TMC1: variants seen among roughly 807,000 people sequenced by gnomAD.
The protein encoded by TMC1 is transmembrane channel-like protein 1.
In TMC1, 84 loss-of-function variants were observed where a neutral mutation model predicts 105.8. That is an observed-to-expected ratio of 0.79 (90% CI 0.67 to 0.95). TMC1 has a LOEUF of 0.95. Ranked by LOEUF, TMC1 falls within the 40% of genes least tolerant of loss-of-function variation. TMC1 has a pLI of 0.00. For missense variants in TMC1, 817 were observed against 914.1 expected (o/e 0.89, Z 1.37); for synonymous variants, 315 against 311.5 (o/e 1.01, Z -0.12).
intron 19 of TMC1, chr9:72,817,189 T>G (rs570096833): frequency 1.3e-5 from 2 of 152,246 alleles, no homozygotes. Context: ...TCTCCAGGGC[T>G]CCATCGTCCT....
chr9:72,729,589 GC>G (rs1418266405), intron 8 of TMC1, among the ~76,000 whole-genome samples: 2 of 152,104 alleles, frequency 1.3e-5, no homozygotes, highest in African/African-American at 4.8e-5. Flanking sequence ...TAGCTTTTTA[GC>G]CCAATCTTCC....
At chr9:72,744,875 C>A (rs1017392442) in intron 10 of TMC1, among the ~76,000 whole-genome samples, 1 of 152,112 alleles carries the variant, frequency 6.6e-6, no homozygotes, top group African/African-American at 2.4e-5. Flanking sequence ...TTGCATGCAG[C>A]AAGAGTTACA....
chr9:72,703,100 T>G (rs1826673062), intron 8 of TMC1, among the ~76,000 whole-genome samples: 2 of 152,086 alleles, frequency 1.3e-5, no homozygotes, highest in Non-Finnish European at 2.9e-5. Context: ...TTTATCATAA[T>G]TTTTTTCAAT....
chr9:72,764,214 C>CTTT (rs2118098495), intron 12 of TMC1, among the ~76,000 whole-genome samples: 1 of 152,122 alleles, frequency 6.6e-6, no homozygotes, highest in East Asian at 1.9e-4. Context: ...TCAAAAACTC[C>CTTT]TTTTTAAATA....
chr9:72,633,020 AT>A (rs1564457547), intron 4 of TMC1, among the ~76,000 whole-genome samples: 6 of 152,084 alleles, frequency 3.9e-5, no homozygotes, highest in African/African-American at 1.2e-4. Context: ...AAAAAAAAAA[AT>A]AAGATAAATG....
At chr9:72,824,056 G>T (rs1324600438) in intron 20 of TMC1, among the ~76,000 whole-genome samples, 1 of 152,238 alleles carries the variant, frequency 6.6e-6, no homozygotes, top group East Asian at 1.9e-4. Context: ...TACTCGGCCT[G>T]CTGTGCTTAA....
At chr9:72,566,646 C>T (rs1331944953) in intron 1 of TMC1, among the ~76,000 whole-genome samples, 1 of 152,176 alleles carries the variant, frequency 6.6e-6, no homozygotes, top group Non-Finnish European at 1.5e-5. Flanking sequence ...GGAAGCCCTG[C>T]TCTGAGCAGC....
intron 8 of TMC1, among the ~76,000 whole-genome samples, chr9:72,723,652 T>A (rs1421287676): frequency 6.6e-6 from 1 of 152,228 alleles, no homozygotes; most frequent in Non-Finnish European, 1.5e-5. Flanking sequence ...GAAAGGATAT[T>A]GAGAAAAGCC....
intron 20 of TMC1, 118 bp from the exon 21 acceptor site, chr9:72,826,751 T>C: frequency 1.8e-6 from 2 of 1,087,312 alleles, no homozygotes; most frequent in Non-Finnish European, 2.8e-6. Context: ...AACATCAGAT[T>C]CCTACCCTGA....
At chr9:72,705,171 A>G (rs1250205012) in intron 8 of TMC1, among the ~76,000 whole-genome samples, 5 of 152,198 alleles carry the variant, frequency 3.3e-5, no homozygotes, top group African/African-American at 1.2e-4. Flanking sequence ...CACAAGTGAA[A>G]TAAAATACCC....
chr9:72,615,414 C>G (rs1195058773), intron 2 of TMC1, among the ~76,000 whole-genome samples: 3 of 152,148 alleles, frequency 2.0e-5, no homozygotes, highest in Non-Finnish European at 4.4e-5. Flanking sequence ...CTTTCCTTTT[C>G]TGTACTTTTG....
chr9:72,749,763 TA>T (rs938144191), intron 10 of TMC1, among the ~76,000 whole-genome samples: 1 of 151,052 alleles, frequency 6.6e-6, no homozygotes, highest in East Asian at 1.9e-4. Context: ...CTTAAGTTTC[TA>T]AAAAAAAACC....
intron 10 of TMC1, among the ~76,000 whole-genome samples, chr9:72,743,719 G>A (rs2589627): frequency 0.28 from 34,481 of 122,066 alleles, 4,215 homozygotes; most frequent in African/African-American, 0.4. Flanking sequence ...TCATAGGAAG[G>A]AAGGAAGGAA....
At chr9:72,532,255 A>G (rs1009743073) in intron 1 of TMC1, among the ~76,000 whole-genome samples, 2 of 152,062 alleles carry the variant, frequency 1.3e-5, no homozygotes, top group African/African-American at 4.8e-5. Flanking sequence ...AAAATGCTTT[A>G]CTGGGCTGGG....
At chr9:72,791,269 T>G (rs1177629531) in intron 15 of TMC1, among the ~76,000 whole-genome samples, 1 of 152,098 alleles carries the variant, frequency 6.6e-6, no homozygotes, top group Non-Finnish European at 1.5e-5. Flanking sequence ...CTTTTGAAAC[T>G]TTTCTACGTT....
rs756637308 is a variant in TMC1 at position 72,754,772 on chromosome 9, G to A, written c.643-14G>A. 6.3e-7 allele frequency: 1 copy of A among 1,599,798 alleles called. No homozygotes were observed. The highest frequency in any genetic ancestry group is 8.6e-7 in the Non-Finnish European group (1 of 1,167,050). Reference sequence around the variant, plus strand: ...TTTCTAATTGTTCACTGCTTTCTTTGCTTCTTCATACAGTACCTCTGGGGT... The same window carrying A: ...TTTCTAATTGTTCACTGCTTTCTTTACTTCTTCATACAGTACCTCTGGGGT... On this transcript the variant is annotated splice_polypyrimidine_tract_variant and intron_variant, in intron 11 of 23. Transcript: ENST00000297784.
At chr9:72,582,722 A>C (rs1404849725) in intron 2 of TMC1, among the ~76,000 whole-genome samples, 1 of 152,242 alleles carries the variant, frequency 6.6e-6, no homozygotes, top group African/African-American at 2.4e-5. Flanking sequence ...TCAGTGCTTC[A>C]TGTAAGACTT....
At chr9:72,643,218 G>T (rs1490777979) in intron 4 of TMC1, among the ~76,000 whole-genome samples, 3 of 150,866 alleles carry the variant, frequency 2.0e-5, no homozygotes, top group African/African-American at 4.9e-5. Context: ...ATGTACAGAA[G>T]TAGATTAATC....
At chr9:72,813,709 C>A (rs145601251) in intron 18 of TMC1, among the ~76,000 whole-genome samples, 1 of 152,228 alleles carries the variant, frequency 6.6e-6, no homozygotes, top group Admixed American at 6.5e-5. Flanking sequence ...AGATTTGGCA[C>A]ATGGGCCATA....
Sources: allele counts gnomAD v4.1 joint callset (sites outside exome capture counted in the v4.1 genomes callset), GRCh38; gene constraint gnomAD v4.1.1; transcripts MANE v1.5; gene names NCBI Gene and HGNC (gene_info 2026-07-23, HGNC 2026-07-21).